Variants in RAPGEF2 observed in about 807,000 individuals in gnomAD.
The protein encoded by RAPGEF2 is Rap guanine nucleotide exchange factor 2.
RAPGEF2 carries 54 observed loss-of-function variants against 186.7 expected under a neutral mutation model. The ratio of observed to expected loss-of-function variants is 0.29; its 90% CI spans 0.23 to 0.36. RAPGEF2 has a LOEUF of 0.36. Among genes scored for constraint, RAPGEF2 ranks in the 10% least tolerant of loss-of-function variants. RAPGEF2 has a pLI of 1.00. For synonymous variants in RAPGEF2, 712 were observed against 705.9 expected (o/e 1.01, Z -0.14); for missense variants, 1,532 against 2,045.0 (o/e 0.75, Z 4.84).
intron 3 of RAPGEF2, among the ~76,000 whole-genome samples, chr4:159,204,893 G>GT (rs778779012): frequency 2.4e-4 from 36 of 152,052 alleles, no homozygotes; most frequent in Non-Finnish European, 3.8e-4. Context: ...TCAGATTTCT[G>GT]TTTTTTGCCC....
At chr4:159,292,635 G>A (rs1761389707) in intron 7 of RAPGEF2, among the ~76,000 whole-genome samples, 1 of 151,950 alleles carries the variant, frequency 6.6e-6, no homozygotes. Context: ...AAAGACTATA[G>A]CATAAATTTC....
chr4:159,315,935 G>A (rs777584159), intron 9 of RAPGEF2, among the ~76,000 whole-genome samples: 3 of 152,176 alleles, frequency 2.0e-5, no homozygotes, highest in Non-Finnish European at 4.4e-5. Context: ...CCTGACTAAT[G>A]TCAGGCCCTC....
At chr4:159,272,282 A>G (rs894677350) in intron 7 of RAPGEF2, among the ~76,000 whole-genome samples, 7 of 152,160 alleles carry the variant, frequency 4.6e-5, no homozygotes, top group Middle Eastern at 6.8e-3. Context: ...ACTTAACCAT[A>G]TTTTCTAAAT....
rs374937481 is a variant in RAPGEF2, at chr4:159,333,387, C to T, written c.2135+690C>T. Among the ~76,000 whole-genome samples the T allele has an allele frequency of 2.6e-5, 4 of 152,268 alleles. No individual in the cohort carries two copies. The East Asian group carries it at 7.7e-4, about 29-fold the overall frequency. ...TTCTGGGTATCTTCTTTACCAACAG[C>T]ATGTGCTCTTTACCAGTCAAATCAT... On this transcript the variant is annotated intron_variant, in intron 17 of 29. Coordinates refer to ENST00000691494, the MANE Select transcript of RAPGEF2 (RefSeq NM_001394067.2).
chr4:159,159,839 C>T (rs534213245), intron 1 of RAPGEF2, among the ~76,000 whole-genome samples: 14 of 152,318 alleles, frequency 9.2e-5, no homozygotes, highest in Admixed American at 3.9e-4. Flanking sequence ...GCAGCTGCAT[C>T]CTTTTTCTTT....
chr4:159,268,048 CTTT>C (rs111542449), intron 7 of RAPGEF2: 16 of 1,244,538 alleles, frequency 1.3e-5, no homozygotes, highest in Middle Eastern at 2.6e-4. Context: ...TCCCTCCTCC[CTTT>C]TTTTTTTTCC....
chr4:159,338,374 C>T lies in RAPGEF2; in HGVS notation c.2199C>T (p.Ile733=), dbSNP rs1341867795. 6.2e-7 allele frequency: 1 copy of T among 1,614,032 alleles called. No individual in the cohort carries two copies. The highest frequency in any genetic ancestry group is 1.7e-5 in the Admixed American group (1 of 60,032). Residue 733 remains isoleucine (I), a synonymous_variant, in exon 18 of 30, where the codon ATC becomes ATT. Transcript: ENST00000691494. The part of the protein sequence containing the change: ...SIVGLRQTKH[I]PTALPVSGTL... ...TAGGATTAAGGCAGACAAAGCACAT[C>T]CCAACTGCATTGCCTGTCAGTGGAA...
intron 1 of RAPGEF2, among the ~76,000 whole-genome samples, chr4:159,104,726 G>C (rs1185315569): frequency 6.6e-6 from 1 of 152,166 alleles, no homozygotes; most frequent in African/African-American, 2.4e-5. Flanking sequence ...GTGACCCTTG[G>C]AGTTCAGTGG....
chr4:159,110,219 T>C (rs762035406), intron 1 of RAPGEF2, among the ~76,000 whole-genome samples: 1 of 152,244 alleles, frequency 6.6e-6, no homozygotes, highest in Non-Finnish European at 1.5e-5. Flanking sequence ...TCACACTATT[T>C]TTTTCCCTTA....
intron 7 of RAPGEF2, among the ~76,000 whole-genome samples, chr4:159,294,007 A>G (rs1761591461): frequency 6.6e-6 from 1 of 152,192 alleles, no homozygotes; most frequent in South Asian, 2.1e-4. Context: ...GGGAAATGTA[A>G]TCTAGCGATG....
At chr4:159,182,492 T>A (rs1340201550) in intron 1 of RAPGEF2, among the ~76,000 whole-genome samples, 1 of 146,684 alleles carries the variant, frequency 6.8e-6, no homozygotes, top group Non-Finnish European at 1.5e-5. Context: ...TTCTCCTGGG[T>A]TCAAGCGATT....
chr4:159,251,870 T>G (rs2111515098), intron 7 of RAPGEF2, among the ~76,000 whole-genome samples: 2 of 151,606 alleles, frequency 1.3e-5, no homozygotes, highest in Middle Eastern at 6.8e-3. Context: ...TCTGCTTGGG[T>G]TCGTTTCCAC....
In RAPGEF2 at chr4:159,147,804, A is replaced by G. The variant is rs558533562; in HGVS notation, c.70-38838A>G. Among the ~76,000 whole-genome samples, 4 of 152,358 alleles carry G rather than the reference A, an allele frequency of 2.6e-5. No homozygotes were observed. In the East Asian group the frequency reaches 7.7e-4, roughly 29 times the overall value. The stretch of plus-strand genomic sequence containing the variant: ...GTGTGTGACTTTAGTCAAGATACCT[A>G]ATCTCTCAGTGCCTTAAGTTTTCTT... On this transcript the variant is annotated intron_variant, in intron 1 of 29. Coordinates refer to ENST00000691494, the MANE Select transcript of RAPGEF2 (RefSeq NM_001394067.2).
At chr4:159,143,114 G>A (rs1579295187) in intron 1 of RAPGEF2, among the ~76,000 whole-genome samples, 1 of 152,152 alleles carries the variant, frequency 6.6e-6, no homozygotes, top group East Asian at 1.9e-4. Flanking sequence ...GCATGCACCT[G>A]TAGTCTCAAT....
chr4:159,138,265 A>G (rs1741938237), intron 1 of RAPGEF2, among the ~76,000 whole-genome samples: 1 of 152,226 alleles, frequency 6.6e-6, no homozygotes, highest in Non-Finnish European at 1.5e-5. Context: ...ATGGGTATCT[A>G]TACCTAAAAC....
In RAPGEF2 at chr4:159,353,589, G is replaced by A. The variant is rs370509053; in HGVS notation, c.4194G>A (p.Ala1398=). ...TTTCCCAGGATCAGGGGGATCGCGC[G>A]TCACTTGATGCTGCTGACAGTGGCC... ...EELSQDQGDR[A]SLDAADSGRG... The change falls in exon 28 of 30, where the codon GCG becomes GCA. Residue 1398 remains alanine (A), a synonymous_variant. Transcript: ENST00000691494. The surrounding 1 kb of genome is among the most constrained non-coding windows in gnomAD (Gnocchi z 4.3). 1.8e-5 allele frequency: 28 copies of A among 1,592,090 alleles called. No individual in the cohort carries two copies. Among genetic ancestry groups the A allele is most frequent in the African/African-American group, 5.4e-5 (4 of 73,724 alleles).
chr4:159,220,476 C>T lies in RAPGEF2; in HGVS notation c.281+9893C>T, dbSNP rs564563496. 5.3e-5 allele frequency among the ~76,000 whole-genome samples: 8 copies of T among 152,214 alleles called. No individual in the cohort carries two copies. In the South Asian group the frequency reaches 1.5e-3, roughly 28 times the overall value. On this transcript the variant is annotated intron_variant, in intron 4 of 29. Transcript: ENST00000691494. The stretch of plus-strand genomic sequence containing the variant: ...GGTCAGTTGGTAGATTTGGGAATTC[C>T]GTGATTTCCTGCTGCCAAACATAAA...
chr4:159,354,888 G>A (rs1731737685), intron 28 of RAPGEF2, among the ~76,000 whole-genome samples: 1 of 152,162 alleles, frequency 6.6e-6, no homozygotes, highest in Non-Finnish European at 1.5e-5. Context: ...CATCTATATA[G>A]ACGAAGTGTA....
intron 1 of RAPGEF2, among the ~76,000 whole-genome samples, chr4:159,137,734 AG>A (rs1287973619): frequency 6.6e-6 from 1 of 150,744 alleles, no homozygotes; most frequent in Non-Finnish European, 1.5e-5. Flanking sequence ...AAACCTGCAA[AG>A]ATTTAAACTT....
Sources: allele counts gnomAD v4.1 joint callset (sites outside exome capture counted in the v4.1 genomes callset), GRCh38; gene constraint gnomAD v4.1.1; non-coding constraint Gnocchi (gnomAD v3.1); transcripts MANE v1.5; gene names NCBI Gene and HGNC (gene_info 2026-07-23, HGNC 2026-07-21).